The following INTS7 variants were observed in gnomAD, a reference collection of about 807,000 sequenced individuals.
INTS7 encodes the protein integrator complex subunit 7, also known as chromosome 1 open reading frame 73.
In INTS7, 46 loss-of-function variants were observed where a neutral mutation model predicts 109.2. The observed-to-expected ratio is 0.42, with a 90% confidence interval of 0.33 to 0.54. The LOEUF is 0.54. Ranked by LOEUF, INTS7 falls within the 20% of genes least tolerant of loss-of-function variation. INTS7 has a pLI of 0.07. For synonymous variants in INTS7, 412 were observed against 402.9 expected (o/e 1.02, Z -0.27); for missense variants, 929 against 1,132.4 (o/e 0.82, Z 2.58).
At chr1:212,017,614 A>G (rs1297920732) in intron 3 of INTS7, among the ~76,000 whole-genome samples, 1 of 152,256 alleles carries the variant, frequency 6.6e-6, no homozygotes, top group Non-Finnish European at 1.5e-5. Context: ...AGAAAGGAAA[A>G]AAATCTATTG....
intron 12 of INTS7, 39 bp downstream of exon 12, chr1:211,976,543 T>C: frequency 6.4e-7 from 1 of 1,574,576 alleles, no homozygotes. Flanking sequence ...TGATCTGACA[T>C]TTCCAGCAAC....
chr1:212,017,202 T>C (rs1158172102), intron 3 of INTS7, among the ~76,000 whole-genome samples, 179 bp from the exon 4 acceptor site: 1 of 152,222 alleles, frequency 6.6e-6, no homozygotes, highest in African/African-American at 2.4e-5. Flanking sequence ...CTTTTACATA[T>C]TTCAATATGT....
chr1:211,985,834 C>T (rs553122126), intron 8 of INTS7, among the ~76,000 whole-genome samples: 7 of 152,302 alleles, frequency 4.6e-5, no homozygotes, highest in African/African-American at 1.7e-4. Flanking sequence ...ATGATTAAGA[C>T]TTTGTCTATC....
At chr1:211,978,633 T>C in intron 10 of INTS7, 122 bp from the exon 11 acceptor site, 1 of 995,942 alleles carries the variant, frequency 1.0e-6, no homozygotes. Flanking sequence ...AGGCATAACA[T>C]TTTACTTCAT....
intron 1 of INTS7, among the ~76,000 whole-genome samples, chr1:212,028,743 C>T (rs1428414904): frequency 6.6e-6 from 1 of 152,172 alleles, no homozygotes; most frequent in East Asian, 1.9e-4. Flanking sequence ...ACATGAAGTG[C>T]TTATTCTGTG....
At chr1:211,971,361 TA>T (rs1253487001) in intron 13 of INTS7, among the ~76,000 whole-genome samples, 1 of 152,166 alleles carries the variant, frequency 6.6e-6, no homozygotes, top group Non-Finnish European at 1.5e-5. Flanking sequence ...AGTATGTTGG[TA>T]ACAGCAAGAA....
chr1:211,958,137 T>C (rs1310505835), intron 16 of INTS7, among the ~76,000 whole-genome samples: 2 of 152,160 alleles, frequency 1.3e-5, no homozygotes, highest in Non-Finnish European at 1.5e-5. Flanking sequence ...TCTGAGTTTA[T>C]ATCTGAAATA....
At chr1:211,985,472 T>G (rs1428730622) in intron 8 of INTS7, among the ~76,000 whole-genome samples, 1 of 152,192 alleles carries the variant, frequency 6.6e-6, no homozygotes, top group African/African-American at 2.4e-5. Context: ...TCTATTTATT[T>G]AAGCCTTTGC....
At chr1:211,995,562 T>C (rs907032029) in intron 7 of INTS7, among the ~76,000 whole-genome samples, 1 of 152,118 alleles carries the variant, frequency 6.6e-6, no homozygotes, top group Admixed American at 6.5e-5. Flanking sequence ...AGGCTGCAAA[T>C]AGAACAGAAG....
intron 3 of INTS7, among the ~76,000 whole-genome samples, chr1:212,017,839 ACT>A (rs1473347402): frequency 5.3e-5 from 8 of 152,226 alleles, no homozygotes; most frequent in South Asian, 4.1e-4. Context: ...TGTTCCTAGT[ACT>A]GTTAAAAATA....
intron 15 of INTS7, among the ~76,000 whole-genome samples, chr1:211,966,788 CTG>C (rs1663901134): frequency 6.6e-6 from 1 of 152,072 alleles, no homozygotes; most frequent in Non-Finnish European, 1.5e-5. Flanking sequence ...CTGTTTTTAT[CTG>C]TCTTAGATAT....
intron 1 of INTS7, among the ~76,000 whole-genome samples, chr1:212,028,143 A>G (rs1186260617): frequency 1.3e-5 from 2 of 152,148 alleles, no homozygotes; most frequent in East Asian, 1.9e-4. Context: ...TAGATTCTCA[A>G]GTTAACTTCT....
intron 12 of INTS7, 121 bp downstream of exon 12, chr1:211,976,461 C>A: frequency 1.2e-6 from 1 of 842,274 alleles, no homozygotes; most frequent in Non-Finnish European, 1.8e-6. Context: ...CTTCAGAACC[C>A]ATGACTAAAA....
chr1:211,966,871 T>A lies in INTS7; in HGVS notation c.2115-373A>T, dbSNP rs564667109. On this transcript the variant is annotated intron_variant, in intron 15 of 19. Coordinates refer to ENST00000366994, the MANE Select transcript of INTS7 (RefSeq NM_015434.4). ...TCACTGATAAAAGTTAAAAAAAAAA[T>A]AGAAACAAAAACAAAACACAGTGGT... Among the ~76,000 whole-genome samples, 19 of 151,600 alleles carry A rather than the reference T, an allele frequency of 1.3e-4. No homozygotes were observed. In the East Asian group the frequency reaches 3.3e-3, roughly 26 times the overall value.
intron 1 of INTS7, among the ~76,000 whole-genome samples, chr1:212,034,086 A>G (rs1667302236): frequency 6.6e-6 from 1 of 152,102 alleles, no homozygotes; most frequent in Non-Finnish European, 1.5e-5. Context: ...CTGTCTCCAA[A>G]AAAAAAGAGA....
intron 5 of INTS7, among the ~76,000 whole-genome samples, chr1:212,008,237 G>A (rs371912141): frequency 7.2e-5 from 11 of 152,278 alleles, no homozygotes; most frequent in African/African-American, 2.4e-4. Flanking sequence ...AGAGGGAAAA[G>A]AATGAGATCA....
At chr1:211,966,004 A>G (rs1453018765) in intron 16 of INTS7, 1 of 154,846 alleles carries the variant, frequency 6.5e-6, no homozygotes, top group African/African-American at 2.4e-5. Context: ...AAGAAAAAGG[A>G]ATCATTCTTT....
intron 13 of INTS7, among the ~76,000 whole-genome samples, chr1:211,971,789 G>A (rs904313985): frequency 6.6e-6 from 1 of 151,792 alleles, no homozygotes; most frequent in African/African-American, 2.4e-5. Flanking sequence ...GGTGGAGAGC[G>A]CCTGTAATCC....
intron 4 of INTS7, among the ~76,000 whole-genome samples, chr1:212,014,465 CAAAAAAAAA>C (rs1165612101): frequency 7.1e-5 from 2 of 28,122 alleles, no homozygotes; most frequent in South Asian, 3.1e-3. Context: ...AACTCCATCT[CAAAAAAAAA>C]AAAAAAAAAA....
Sources: gnomAD v4.1 joint callset for allele counts (sites outside exome capture counted in the v4.1 genomes callset) on GRCh38, gnomAD v4.1.1 for gene constraint, MANE v1.5 for transcripts, NCBI Gene and HGNC (gene_info 2026-07-23, HGNC 2026-07-21) for gene names.